CALCR: variants seen among roughly 807,000 people sequenced by gnomAD.
The protein encoded by CALCR is calcitonin receptor.
CALCR carries 47 observed loss-of-function variants against 59.5 expected under a neutral mutation model. The ratio of observed to expected loss-of-function variants is 0.79; its 90% CI spans 0.63 to 1.01. The LOEUF (loss-of-function observed/expected upper bound fraction) is 1.01, where lower values mean the gene tolerates loss of function less well. CALCR is among the 50% of genes least tolerant of loss of function. The probability of loss-of-function intolerance (pLI) is 0.00; values close to 1 mark genes in which losing one functional copy is unlikely to be tolerated. For synonymous variants in CALCR, 213 were observed against 211.3 expected, an observed-to-expected ratio of 1.01 and a Z score of -0.07; for missense variants, 566 against 597.1, an observed-to-expected ratio of 0.95 and a Z score of 0.54.
At position 93,444,171 on chromosome 7, in the gene CALCR, G is replaced by C. The variant is rs576741175; in HGVS notation, c.649-414C>G. Among the ~76,000 whole-genome samples, 3 of 152,198 alleles carry C rather than the reference G, an allele frequency of 2.0e-5. No homozygotes were observed. The East Asian group carries it at 5.8e-4, about 29-fold the overall frequency. ...TGCTGCTTCTGAAATTCACTGATTTGTTGATGATGTTCCTTTAGCAGTAAA... is the reference window on the plus strand; with the variant it reads ...TGCTGCTTCTGAAATTCACTGATTTCTTGATGATGTTCCTTTAGCAGTAAA... On this transcript the variant is annotated intron_variant, in intron 8 of 13. Coordinates refer to ENST00000426151, the MANE Select transcript of CALCR (RefSeq NM_001742.4).
intron 3 of CALCR, among the ~76,000 whole-genome samples, chr7:93,483,306 A>G (rs1235079537): frequency 1.3e-5 from 2 of 151,548 alleles, no homozygotes; most frequent in African/African-American, 4.8e-5. Flanking sequence ...ATAAAAAGAA[A>G]AATAGTCTGT....
intron 2 of CALCR, among the ~76,000 whole-genome samples, chr7:93,529,969 CT>C (rs1210237178): frequency 6.6e-6 from 1 of 152,108 alleles, no homozygotes; most frequent in Non-Finnish European, 1.5e-5. Flanking sequence ...AAACACAGCT[CT>C]TTTTTTCATT....
intron 2 of CALCR, among the ~76,000 whole-genome samples, chr7:93,521,633 C>CCA (rs372211423): frequency 9.9e-5 from 15 of 152,086 alleles, no homozygotes; most frequent in African/African-American, 3.6e-4. Context: ...CTTTTTGTAG[C>CCA]CACATAATTC....
intron 9 of CALCR, 71 bp from the exon 10 acceptor site, chr7:93,438,341 A>C: frequency 1.8e-6 from 2 of 1,132,568 alleles, no homozygotes; most frequent in Non-Finnish European, 2.7e-6. Context: ...TGCATGGACA[A>C]TGGTAGTGTA....
intron 3 of CALCR, chr7:93,482,730 G>T (rs755527011): frequency 2.1e-5 from 11 of 530,318 alleles, no homozygotes. Flanking sequence ...ATCTGTATAC[G>T]AGTAGTTATA....
chr7:93,527,093 T>C (rs970275602), intron 2 of CALCR, among the ~76,000 whole-genome samples: 2 of 151,964 alleles, frequency 1.3e-5, no homozygotes, highest in African/African-American at 4.8e-5. Flanking sequence ...GGTATGTTTA[T>C]ATATGAAAAG....
intron 8 of CALCR, among the ~76,000 whole-genome samples, chr7:93,449,722 A>C (rs1345182765): frequency 6.6e-6 from 1 of 152,082 alleles, no homozygotes; most frequent in Non-Finnish European, 1.5e-5. Context: ...GGAACTTTTT[A>C]CCTAACAGCA....
intron 2 of CALCR, among the ~76,000 whole-genome samples, chr7:93,507,417 G>T (rs907900366): frequency 3.3e-5 from 5 of 152,042 alleles, no homozygotes; most frequent in Admixed American, 3.3e-4. Flanking sequence ...CAGTGAGGAG[G>T]GTAAGGAGCC....
chr7:93,471,665 A>G (rs1800556381), intron 6 of CALCR, among the ~76,000 whole-genome samples: 1 of 151,766 alleles, frequency 6.6e-6, no homozygotes, highest in Non-Finnish European at 1.5e-5. Flanking sequence ...AACATTGACC[A>G]ACTGTAACTC....
intron 2 of CALCR, among the ~76,000 whole-genome samples, chr7:93,508,806 T>G (rs1178449267): frequency 6.6e-6 from 1 of 152,050 alleles, no homozygotes; most frequent in Non-Finnish European, 1.5e-5. Flanking sequence ...AGTGGGAGAT[T>G]TGGAATTTAT....
chr7:93,517,810 AT>A (rs972404590), intron 2 of CALCR, among the ~76,000 whole-genome samples: 26 of 152,010 alleles, frequency 1.7e-4, no homozygotes, highest in African/African-American at 6.0e-4. Flanking sequence ...ATTGAGTAAA[AT>A]ATTGACACAA....
In CALCR at chr7:93,532,924, G is replaced by C. The variant is rs10238933; in HGVS notation, c.-27+41365C>G. Among the ~76,000 whole-genome samples the C allele has an allele frequency of 7.1e-3, 1,056 of 148,422 alleles. 8 individuals carry two copies. The highest frequency in any genetic ancestry group is 0.026 in the African/African-American group (1,019 of 39,744). On this transcript the variant is annotated intron_variant, in intron 2 of 13. Transcript: ENST00000426151. ...CTTTCACAAAATGAGGGTGATAATA[G>C]TACTTGCCTTCCAGGATTGTGACAA...
intron 2 of CALCR, among the ~76,000 whole-genome samples, chr7:93,551,851 G>A (rs1229343740): frequency 6.6e-6 from 1 of 152,070 alleles, no homozygotes; most frequent in Admixed American, 6.6e-5. Context: ...CATTTAAGTA[G>A]AGATTTCATA....
chr7:93,510,045 C>A (rs779647026), intron 2 of CALCR, among the ~76,000 whole-genome samples: 2 of 152,000 alleles, frequency 1.3e-5, no homozygotes, highest in Admixed American at 1.3e-4. Context: ...AAAGAATAAA[C>A]GACTCTTACT....
At chr7:93,554,449 G>C (rs965979885) in intron 2 of CALCR, among the ~76,000 whole-genome samples, 3 of 152,026 alleles carry the variant, frequency 2.0e-5, no homozygotes, top group African/African-American at 7.2e-5. Flanking sequence ...ATAGAAGCTA[G>C]ACAGTACAAG....
chr7:93,483,948 C>G (rs1411182125), intron 3 of CALCR: 1 of 500,302 alleles, frequency 2.0e-6, no homozygotes. Flanking sequence ...AGCAGTTTAG[C>G]TGCCGTATAT....
chr7:93,428,068 T>C (rs1027109276), intron 13 of CALCR, among the ~76,000 whole-genome samples: 2 of 152,196 alleles, frequency 1.3e-5, no homozygotes, highest in African/African-American at 4.8e-5. Flanking sequence ...TCTAAAGTGA[T>C]TTAAAACGGA....
Position 93,477,686 on chromosome 7 carries a change from A to G in CALCR, c.206-18T>C. On this transcript the variant is annotated intron_variant, in intron 4 of 13. Transcript: ENST00000426151. ...ATATGGACCTGGCCATTTAGAAGGA[A>G]ATTGATATTGAAGCCTTGTGGATTT... The G allele has an allele frequency of 6.8e-7, 1 of 1,477,682 alleles. No individual in the cohort carries two copies. The highest frequency in any genetic ancestry group is 9.5e-7 in the Non-Finnish European group (1 of 1,057,504). The allele number at this position is 1,477,682 out of a possible 1,614,324, so 91.5% of individuals were successfully genotyped here.
At chr7:93,472,354 G>C (rs1249913445) in intron 6 of CALCR, 21 bp downstream of exon 6, 1 of 1,356,080 alleles carries the variant, frequency 7.4e-7, no homozygotes, top group Non-Finnish European at 1.1e-6. Context: ...ACTCAATACT[G>C]AAACGTGAAA....
Sources: allele counts gnomAD v4.1 joint callset (sites outside exome capture counted in the v4.1 genomes callset), GRCh38; gene constraint gnomAD v4.1.1; transcripts MANE v1.5; gene names NCBI Gene and HGNC (gene_info 2026-07-23, HGNC 2026-07-21).